CADM2: variants seen among roughly 807,000 people sequenced by gnomAD.
The protein encoded by CADM2 is cell adhesion molecule 2.
Under a neutral mutation model 49.8 loss-of-function variants are expected in CADM2, and 12 were observed. The ratio of observed to expected loss-of-function variants is 0.24; its 90% CI spans 0.15 to 0.39. The LOEUF (loss-of-function observed/expected upper bound fraction) is 0.39, where lower values mean the gene tolerates loss of function less well. CADM2 is among the 10% of genes least tolerant of loss of function. The probability of loss-of-function intolerance (pLI) is 1.00; values close to 1 mark genes in which losing one functional copy is unlikely to be tolerated. For synonymous variants in CADM2, 214 were observed against 175.4 expected (o/e 1.22, Z -1.74); for missense variants, 378 against 492.3 (o/e 0.77, Z 2.20).
chr3:85,338,836 T>C (rs978857811), intron 1 of CADM2, among the ~76,000 whole-genome samples: 3 of 151,488 alleles, frequency 2.0e-5, no homozygotes, highest in East Asian at 1.9e-4. Context: ...TTAGTTACAG[T>C]AGTATAAAGG....
At chr3:85,892,694 C>T (rs1476491103) in intron 5 of CADM2, among the ~76,000 whole-genome samples, 1 of 152,168 alleles carries the variant, frequency 6.6e-6, no homozygotes, top group African/African-American at 2.4e-5. Flanking sequence ...TTATAAATTA[C>T]TCATCTCAGG....
intron 1 of CADM2, among the ~76,000 whole-genome samples, chr3:85,371,000 T>A (rs901481115): frequency 1.9e-4 from 29 of 152,016 alleles, no homozygotes; most frequent in African/African-American, 3.1e-4. Flanking sequence ...AGAATTTTTT[T>A]AAAAAAGTTT....
intron 1 of CADM2, among the ~76,000 whole-genome samples, chr3:84,974,689 T>C (rs2107108347): frequency 6.6e-6 from 1 of 152,112 alleles, no homozygotes; most frequent in South Asian, 2.1e-4. Flanking sequence ...ACTAAGTTTA[T>C]ATTGATTTTG....
chr3:85,527,524 G>A (rs970252168), intron 1 of CADM2, among the ~76,000 whole-genome samples: 3 of 150,512 alleles, frequency 2.0e-5, no homozygotes, highest in African/African-American at 7.3e-5. Flanking sequence ...CACTATATAT[G>A]AGATAAATTA....
chr3:85,965,316 ATAT>A (rs66607616), intron 8 of CADM2, among the ~76,000 whole-genome samples: 27,061 of 148,318 alleles, frequency 0.18, 2,518 homozygotes, highest in South Asian at 0.24. Flanking sequence ...ATTATGATAA[ATAT>A]TATTACAAAT....
chr3:85,667,243 C>T lies in CADM2; in HGVS notation c.62-59279C>T, dbSNP rs139693095. Among the ~76,000 whole-genome samples the T allele has an allele frequency of 5.7e-3, 868 of 151,958 alleles. 4 individuals are homozygous for T. Among genetic ancestry groups the T allele is most frequent in the Middle Eastern group, 0.01 (3 of 294 alleles). On this transcript the variant is annotated intron_variant, in intron 1 of 9. Coordinates refer to ENST00000383699, the MANE Select transcript of CADM2 (RefSeq NM_001167675.2). ...AAAACAAACATAATTTTAAACTCTT[C>T]GGTAGCCATTTTGTAAAAATTATTT... is the stretch of plus-strand genomic sequence containing the variant.
intron 1 of CADM2, among the ~76,000 whole-genome samples, chr3:85,336,361 C>A (rs2045078414): frequency 6.6e-6 from 1 of 151,276 alleles, no homozygotes; most frequent in African/African-American, 2.4e-5. Flanking sequence ...TGTTATAGGC[C>A]AGTTAAATTA....
At chr3:85,354,705 T>C (rs2031704326) in intron 1 of CADM2, among the ~76,000 whole-genome samples, 1 of 150,950 alleles carries the variant, frequency 6.6e-6, no homozygotes, top group Admixed American at 6.6e-5. Flanking sequence ...AGAATGAAGA[T>C]GTTCATAAAT....
intron 1 of CADM2, among the ~76,000 whole-genome samples, chr3:84,981,511 A>G (rs546889569): frequency 6.6e-6 from 1 of 152,260 alleles, no homozygotes; most frequent in Non-Finnish European, 1.5e-5. Flanking sequence ...AATTCATGTT[A>G]AAGCTACATT....
intron 1 of CADM2, among the ~76,000 whole-genome samples, chr3:85,039,699 G>C (rs113717005): frequency 6.6e-6 from 1 of 152,110 alleles, no homozygotes; most frequent in Non-Finnish European, 1.5e-5. Context: ...AATGAGACCA[G>C]TAGGAAAGTG....
At chr3:85,653,680 T>C (rs1281890808) in intron 1 of CADM2, among the ~76,000 whole-genome samples, 1 of 152,088 alleles carries the variant, frequency 6.6e-6, no homozygotes, top group African/African-American at 2.4e-5. Context: ...ACTGGAGATA[T>C]AAATTTGGAA....
chr3:85,607,048 C>T (rs986785682), intron 1 of CADM2, among the ~76,000 whole-genome samples: 9 of 151,736 alleles, frequency 5.9e-5, no homozygotes, highest in Admixed American at 4.6e-4. Context: ...AAACTGGATG[C>T]CAGTTTATTT....
intron 8 of CADM2, chr3:86,014,385 G>C: frequency 6.8e-7 from 1 of 1,472,100 alleles, no homozygotes; most frequent in East Asian, 2.3e-5. Context: ...CTTGACTGTA[G>C]TACTGCATTT....
chr3:85,464,002 G>GT (rs1559853122), intron 1 of CADM2, among the ~76,000 whole-genome samples: 1 of 152,202 alleles, frequency 6.6e-6, no homozygotes, highest in African/African-American at 2.4e-5. Context: ...TTGCTTTTCT[G>GT]TTTTTTAAGT....
At position 85,071,465 on chromosome 3, in the gene CADM2, A is replaced by G. The variant is rs186626646; in HGVS notation, c.61+111797A>G. On this transcript the variant is annotated intron_variant, in intron 1 of 9. Transcript: ENST00000383699. The stretch of plus-strand genomic sequence containing the variant: ...AAGGGATGGAAAAACCTTAGTATTA[A>G]CTTACAAGTAGTGCCACCAAATTGT... Among the ~76,000 whole-genome samples, 401 of 152,246 alleles carry G rather than the reference A, an allele frequency of 2.6e-3. 1 individual carries two copies. Among genetic ancestry groups the G allele is most frequent in the Non-Finnish European group, 4.0e-3 (273 of 68,008 alleles).
chr3:85,407,621 A>G (rs144001743), intron 1 of CADM2, among the ~76,000 whole-genome samples: 16 of 152,288 alleles, frequency 1.1e-4, no homozygotes, highest in African/African-American at 3.6e-4. Flanking sequence ...CATGATGTTT[A>G]AGTAGTTTCT....
intron 1 of CADM2, among the ~76,000 whole-genome samples, chr3:85,055,797 T>G (rs147969716): frequency 2.6e-5 from 4 of 152,138 alleles, no homozygotes; most frequent in African/African-American, 7.2e-5. Flanking sequence ...TTTGAGTAGC[T>G]CTGGCATTAC....
Position 85,769,181 on chromosome 3 carries a change from T to A in CADM2, c.89-32866T>A, listed in dbSNP as rs1311146885. ...CATATATAGTATATATACACATATA[T>A]ACATATATAGTATATATACACATAT... On this transcript the variant is annotated intron_variant, in intron 2 of 9. Transcript: ENST00000383699. 1.2e-3 allele frequency among the ~76,000 whole-genome samples: 106 copies of A among 85,218 alleles called. 7 individuals are homozygous for A. The highest frequency in any genetic ancestry group is 6.0e-3 in the African/African-American group (101 of 16,882). 55.9% of individuals were successfully genotyped at this position (85,218 alleles called of 152,430 possible).
intron 1 of CADM2, among the ~76,000 whole-genome samples, chr3:85,486,329 G>T (rs1251609479): frequency 1.3e-5 from 2 of 151,880 alleles, no homozygotes. Flanking sequence ...GAAACATTTT[G>T]GCTAATAATG....
Sources: allele counts gnomAD v4.1 joint callset (sites outside exome capture counted in the v4.1 genomes callset), GRCh38; gene constraint gnomAD v4.1.1; transcripts MANE v1.5; gene names NCBI Gene and HGNC (gene_info 2026-07-23, HGNC 2026-07-21).